CEP131: variants seen among roughly 807,000 people sequenced by gnomAD.
CEP131 encodes centrosomal protein of 131 kDa.
In CEP131, 99 loss-of-function variants were observed where a neutral mutation model predicts 136.8. The observed-to-expected ratio is 0.72, with a 90% CI of 0.62 to 0.86. CEP131 has a LOEUF of 0.86. Among genes scored for constraint, CEP131 ranks in the 40% least tolerant of loss-of-function variants. The probability of loss-of-function intolerance (pLI) is 0.00; values close to 1 mark genes in which losing one functional copy is unlikely to be tolerated. For synonymous variants in CEP131, 646 were observed against 612.7 expected, an observed-to-expected ratio of 1.05 and a Z score of -0.80; for missense variants, 1,459 against 1,463.0, an observed-to-expected ratio of 1.00 and a Z score of 0.04.
intron 5 of CEP131, among the ~76,000 whole-genome samples, chr17:81,205,833 A>G (rs774675264): frequency 1.4e-4 from 22 of 152,276 alleles, no homozygotes; most frequent in Non-Finnish European, 2.8e-4. Context: ...CAGGAGGTAG[A>G]GGCTGCAGTG....
In CEP131 at chr17:81,208,961, G is replaced by T; in HGVS notation, c.239C>A (p.Thr80Lys). ...INNLRRSNSTTQVSQPRSGSP... is the reference protein window; with the variant it reads ...INNLRRSNSTKQVSQPRSGSP... ...GCCGCTCCGAGGCTGGCTGACCTGCGTGGTGCTGTTGGATCTTCTAAGGTT... is the reference window on the plus strand; with the variant it reads ...GCCGCTCCGAGGCTGGCTGACCTGCTTGGTGCTGTTGGATCTTCTAAGGTT... Residue 80 changes from threonine (T) to lysine (K), a missense_variant, in exon 3 of 26, where the codon ACG (threonine) becomes AAG (lysine). Thr to Lys is a moderately conservative substitution (Grantham distance 78). This residue lies in a region of CEP131 where 187 missense variants were observed against 179.9 expected (regional missense o/e 1.04). Transcript: ENST00000450824. The surrounding 1 kb of genome is among the most constrained non-coding windows in gnomAD (Gnocchi z 5.6). 6.2e-7 allele frequency: 1 copy of T among 1,614,010 alleles called. No individual in the cohort carries two copies. Among genetic ancestry groups the T allele is most frequent in the Non-Finnish European group, 8.5e-7 (1 of 1,179,992 alleles).
intron 2 of CEP131, among the ~76,000 whole-genome samples, chr17:81,211,029 G>A (rs1598313064): frequency 6.6e-6 from 1 of 152,206 alleles, no homozygotes. Context: ...GAGGTCTGGG[G>A]GTGGAAATCC....
At chr17:81,192,099 C>T (rs1209252892) in intron 21 of CEP131, among the ~76,000 whole-genome samples, 1 of 152,116 alleles carries the variant, frequency 6.6e-6, no homozygotes, top group Non-Finnish European at 1.5e-5. Flanking sequence ...GGATGCGCTC[C>T]AGGCACCCTT....
rs2061661994 is a variant in CEP131, at chr17:81,192,471, T to C, written c.2547+5A>G. ...CAGGCCCAGCACAGCCCTCCGGTGG[T>C]AGACCTGGTGCCGGCGCTCCTGCTC... is the stretch of plus-strand genomic sequence containing the variant. On this transcript the variant is annotated splice_donor_5th_base_variant and intron_variant, in intron 20 of 25. Coordinates refer to ENST00000450824, the MANE Select transcript of CEP131 (RefSeq NM_014984.4). 1.2e-6 allele frequency: 2 copies of C among 1,611,922 alleles called. No homozygotes were observed. The highest frequency in any genetic ancestry group is 1.1e-5 in the South Asian group (1 of 91,016).
rs142228694 is a variant in CEP131 at position 81,194,111 on chromosome 17, G to A, written c.2136C>T (p.Ile712=). Residue 712 remains isoleucine (I), a synonymous_variant, in exon 18 of 26, where the codon ATC becomes ATT. Transcript: ENST00000450824. The stretch of plus-strand genomic sequence containing the variant: ...GCTTGTGCCTTGCAATCAGCTTCTG[G>A]ATCTCGGGCTCCAGACCTGGGGGCG... The part of the protein sequence containing the change: ...EVTVRGLEPE[I]QKLIARHKQE... 3 of 1,542,840 alleles carry A rather than the reference G, an allele frequency of 1.9e-6. No individual in the cohort carries two copies. The African/African-American group carries it at 4.2e-5, about 22-fold the overall frequency.
At chr17:81,214,236 C>T (rs1356085554) in intron 2 of CEP131, among the ~76,000 whole-genome samples, 1 of 152,228 alleles carries the variant, frequency 6.6e-6, no homozygotes, top group Non-Finnish European at 1.5e-5. Context: ...AAATTTAAAA[C>T]TATACTAACA....
At position 81,215,747 on chromosome 17, in the gene CEP131, C is replaced by T. The variant is rs1259610463; in HGVS notation, c.177+4133G>A. On this transcript the variant is annotated intron_variant, in intron 2 of 25. Transcript: ENST00000450824. The surrounding 1 kb of genome is among the most constrained non-coding windows in gnomAD (Gnocchi z 4.1). ...AATTTTAAATGGACTTATGCTCTGA[C>T]CCAGTAGTTATCCTTTAGGATTTAT... 3.3e-5 allele frequency among the ~76,000 whole-genome samples: 5 copies of T among 152,216 alleles called. 1 individual carries two copies. The highest frequency in any genetic ancestry group is 2.6e-4 in the Admixed American group (4 of 15,282).
At chr17:81,221,501 T>C (rs1422091162) in intron 1 of CEP131, among the ~76,000 whole-genome samples, 2 of 152,200 alleles carry the variant, frequency 1.3e-5, no homozygotes, top group African/African-American at 4.8e-5. Flanking sequence ...CCCTGTACTC[T>C]CTGTGACCTC....
intron 2 of CEP131, among the ~76,000 whole-genome samples, chr17:81,210,673 C>T (rs1312008128): frequency 1.3e-5 from 2 of 152,164 alleles, no homozygotes; most frequent in East Asian, 1.9e-4. Flanking sequence ...CTGGATGCCA[C>T]GGCGACCAGT....
intron 15 of CEP131, 32 bp from the exon 16 acceptor site, chr17:81,195,983 C>A: frequency 6.4e-7 from 1 of 1,571,496 alleles, no homozygotes. Context: ...AGGTGCTACA[C>A]CAAGGCCCCA....
rs2062340416 is a variant in CEP131, at chr17:81,219,657, C to A, written c.177+223G>T. ...GGGCGGTGGCACAGGAGGCCTGGGG[C>A]TGTTGCTGAAAGAATCCAAGCTCTG... is the stretch of plus-strand genomic sequence containing the variant. On this transcript the variant is annotated intron_variant, in intron 2 of 25. Transcript: ENST00000450824. The surrounding 1 kb of genome is among the most constrained non-coding windows in gnomAD (Gnocchi z 4.0). 6.6e-6 allele frequency among the ~76,000 whole-genome samples: 1 copy of A among 152,162 alleles called. No homozygotes were observed. The highest frequency in any genetic ancestry group is 6.5e-5 in the Admixed American group (1 of 15,280).
intron 2 of CEP131, among the ~76,000 whole-genome samples, chr17:81,212,411 G>T (rs1254779488): frequency 1.1e-4 from 17 of 152,222 alleles, no homozygotes; most frequent in Non-Finnish European, 2.9e-5. Flanking sequence ...GGAGGGCGAG[G>T]TGCTGTCCAA....
Position 81,192,847 on chromosome 17 carries a change from C to A in CEP131, c.2322-4G>T. On this transcript the variant is annotated splice_polypyrimidine_tract_variant and splice_region_variant and intron_variant, in intron 18 of 25. Coordinates refer to ENST00000450824, the MANE Select transcript of CEP131 (RefSeq NM_014984.4). ...CTGCTCCAGGTGCTGCTGGAACCTG[C>A]GGGACGGTCAGGACTGGCTCTCGGG... is the stretch of plus-strand genomic sequence containing the variant. The A allele has an allele frequency of 3.1e-6, 5 of 1,596,480 alleles. No individual in the cohort carries two copies. The highest frequency in any genetic ancestry group is 4.2e-6 in the Non-Finnish European group (5 of 1,178,850).
intron 24 of CEP131, 120 bp downstream of exon 24, chr17:81,190,519 C>T (rs1159569448): frequency 9.4e-6 from 12 of 1,274,382 alleles, no homozygotes; most frequent in African/African-American, 1.5e-5. Context: ...GTCTACAGGG[C>T]CCTGTCTCTG....
At chr17:81,202,548 G>T in intron 6 of CEP131, 150 bp from the exon 7 acceptor site, 1 of 886,774 alleles carries the variant, frequency 1.1e-6, no homozygotes, top group Non-Finnish European at 1.7e-6. Flanking sequence ...GACAGCGGCA[G>T]GTGCGAGGCC....
chr17:81,195,746 A>G, intron 16 of CEP131, 89 bp downstream of exon 16: 2 of 1,177,586 alleles, frequency 1.7e-6, no homozygotes, highest in Non-Finnish European at 2.4e-6. Context: ...TGAGGACTCC[A>G]AGTCCGGTCC....
chr17:81,221,946 C>G (rs1369914323), intron 1 of CEP131, among the ~76,000 whole-genome samples: 1 of 152,208 alleles, frequency 6.6e-6, no homozygotes, highest in Non-Finnish European at 1.5e-5. Context: ...AGGTCCCTTC[C>G]ACGGAGCGAT....
intron 13 of CEP131, 22 bp from the exon 14 acceptor site, chr17:81,197,077 AG>A: frequency 6.4e-7 from 1 of 1,574,606 alleles, no homozygotes; most frequent in Non-Finnish European, 8.6e-7. Flanking sequence ...GCCGAGCGTC[AG>A]GCGGAAGCGG....
rs774241460 is a variant in CEP131, at chr17:81,206,768, G to A, written c.491C>T (p.Ala164Val). The change falls in exon 5 of 26, where the codon GCC (alanine) becomes GTC (valine). Residue 164 changes from alanine (A) to valine (V), a missense_variant. Ala to Val is a moderately conservative substitution (Grantham distance 64). Coordinates refer to ENST00000450824, the MANE Select transcript of CEP131 (RefSeq NM_014984.4). ...PRRKECTVAL[A>V]PNFTANNRSN... ...CCTGTTGTTAGCAGTGAAGTTGGGGGCCAGGGCCACGGTGCATTCTTTCCT... is the reference window on the plus strand; with the variant it reads ...CCTGTTGTTAGCAGTGAAGTTGGGGACCAGGGCCACGGTGCATTCTTTCCT... 4 of 1,613,844 alleles carry A rather than the reference G, an allele frequency of 2.5e-6. No homozygotes were observed. Among genetic ancestry groups the A allele is most frequent in the African/African-American group, 2.7e-5 (2 of 74,928 alleles).
Sources: allele counts gnomAD v4.1 joint callset (sites outside exome capture counted in the v4.1 genomes callset), GRCh38; gene constraint gnomAD v4.1.1; regional missense constraint gnomAD v4.1.1; non-coding constraint Gnocchi (gnomAD v3.1); transcripts MANE v1.5; gene names NCBI Gene and HGNC (gene_info 2026-07-23, HGNC 2026-07-21).